RAB11FIP2: variants seen among roughly 807,000 people sequenced by gnomAD.
RAB11FIP2 encodes the protein RAB11 family interacting protein 2.
A neutral mutation model predicts 40.9 loss-of-function variants in RAB11FIP2; 16 were observed. That is an observed-to-expected ratio of 0.39 (90% confidence interval 0.26 to 0.59). RAB11FIP2 has a LOEUF of 0.59. Ranked by LOEUF, RAB11FIP2 falls within the 20% of genes least tolerant of loss-of-function variation. RAB11FIP2 has a pLI of 0.53. For missense variants in RAB11FIP2, 532 were observed against 606.2 expected (o/e 0.88, Z 1.28); for synonymous variants, 228 against 213.7 (o/e 1.07, Z -0.58).
intron 3 of RAB11FIP2, among the ~76,000 whole-genome samples, chr10:118,027,175 G>A (rs902051272): frequency 3.3e-5 from 5 of 152,098 alleles, no homozygotes; most frequent in South Asian, 2.1e-4. Context: ...TATTTAATCT[G>A]TCCTACACCA....
chr10:118,010,747 G>A (rs1846145218), intron 4 of RAB11FIP2, among the ~76,000 whole-genome samples: 1 of 151,954 alleles, frequency 6.6e-6, no homozygotes, highest in Admixed American at 6.6e-5. Context: ...GCTTGCGCTA[G>A]GCCTTCAAGA....
intron 3 of RAB11FIP2, among the ~76,000 whole-genome samples, chr10:118,018,993 G>A (rs1193003251): frequency 6.6e-6 from 1 of 150,842 alleles, no homozygotes; most frequent in Non-Finnish European, 1.5e-5. Flanking sequence ...ACTATTCAGA[G>A]TAAAAAGTGT....
chr10:118,044,864 C>G (rs1846606591), intron 1 of RAB11FIP2, among the ~76,000 whole-genome samples: 3 of 152,086 alleles, frequency 2.0e-5, no homozygotes, highest in Non-Finnish European at 4.4e-5. Flanking sequence ...ATGGAAAGTC[C>G]TCTTAGAAGT....
Position 118,008,835 on chromosome 10 carries a change from T to C in RAB11FIP2, c.*163A>G. 1.9e-5 allele frequency: 12 copies of C among 628,026 alleles called. No individual in the cohort carries two copies. Among genetic ancestry groups the C allele is most frequent in the Non-Finnish European group, 2.8e-5 (10 of 361,062 alleles). The allele number at this position is 628,026 out of a possible 1,614,324, so 38.9% of individuals were successfully genotyped here. A position where few individuals can be genotyped will look rare whatever the true frequency, so the allele number is the denominator to read the frequency against. ...TTTAGCTTGCTTCAAAGGTCACTCTTGATAGTCCCTGCTAATATTTACAGG... is the reference window on the plus strand; with the variant it reads ...TTTAGCTTGCTTCAAAGGTCACTCTCGATAGTCCCTGCTAATATTTACAGG... On this transcript the variant is annotated 3_prime_UTR_variant, in exon 5 of 5. Transcript: ENST00000355624.
chr10:118,038,485 C>T (rs1339859192), intron 3 of RAB11FIP2, among the ~76,000 whole-genome samples: 1 of 152,056 alleles, frequency 6.6e-6, no homozygotes, highest in African/African-American at 2.4e-5. Flanking sequence ...CAAATAAAAA[C>T]CACTTCTAAA....
At chr10:118,027,391 C>T (rs1181789743) in intron 3 of RAB11FIP2, among the ~76,000 whole-genome samples, 5 of 152,174 alleles carry the variant, frequency 3.3e-5, no homozygotes, top group African/African-American at 1.2e-4. Flanking sequence ...AGAAGTGAAT[C>T]AAATGTACTT....
intron 4 of RAB11FIP2, among the ~76,000 whole-genome samples, chr10:118,014,401 G>A (rs1173273013): frequency 3.9e-5 from 6 of 152,206 alleles, no homozygotes; most frequent in Admixed American, 2.6e-4. Flanking sequence ...TATTCTCTAC[G>A]TTTAATATAG....
intron 3 of RAB11FIP2, among the ~76,000 whole-genome samples, chr10:118,033,312 A>T (rs1589645627): frequency 2.0e-5 from 3 of 151,168 alleles, no homozygotes; most frequent in South Asian, 2.1e-4. Context: ...AATTGTAGCT[A>T]AAAAAAAATA....
rs989663030 is a variant in RAB11FIP2, at chr10:118,008,910, G to A, written c.*88C>T. Reference sequence around the variant, plus strand: ...AGAATATGTAATGAAACCTGATAGTGTAGTCTCTTTCAGTAACAAGTTTTT... The same window carrying A: ...AGAATATGTAATGAAACCTGATAGTATAGTCTCTTTCAGTAACAAGTTTTT... On this transcript the variant is annotated 3_prime_UTR_variant, in exon 5 of 5. Coordinates refer to ENST00000355624, the MANE Select transcript of RAB11FIP2 (RefSeq NM_014904.3). 9.6e-7 allele frequency: 1 copy of A among 1,041,008 alleles called. No homozygotes were observed. Among genetic ancestry groups the A allele is most frequent in the Non-Finnish European group, 1.5e-6 (1 of 688,860 alleles). The allele number at this position is 1,041,008 out of a possible 1,614,324, so 64.5% of individuals were successfully genotyped here. A position where few individuals can be genotyped will look rare whatever the true frequency, so the allele number is the denominator to read the frequency against.
intron 3 of RAB11FIP2, among the ~76,000 whole-genome samples, chr10:118,034,701 A>G (rs1485721050): frequency 1.3e-5 from 2 of 152,168 alleles, no homozygotes; most frequent in Non-Finnish European, 2.9e-5. Context: ...ACTTACAATT[A>G]AAAAACAAGA....
chr10:118,015,159 G>A, intron 3 of RAB11FIP2, 49 bp from the exon 4 acceptor site: 2 of 1,501,918 alleles, frequency 1.3e-6, no homozygotes, highest in Non-Finnish European at 1.8e-6. Flanking sequence ...CATGTGGGAG[G>A]AAACATAAAA....
intron 3 of RAB11FIP2, among the ~76,000 whole-genome samples, chr10:118,032,901 A>G (rs903419346): frequency 6.6e-6 from 1 of 151,990 alleles, no homozygotes; most frequent in African/African-American, 2.4e-5. Context: ...CAGGTCGCCT[A>G]TTGCAGTATT....
At chr10:118,023,400 C>T (rs1308716478) in intron 3 of RAB11FIP2, among the ~76,000 whole-genome samples, 3 of 151,948 alleles carry the variant, frequency 2.0e-5, no homozygotes, top group African/African-American at 7.3e-5. Flanking sequence ...TTTTTTCTTT[C>T]TTTTTAGAAA....
At chr10:118,026,434 A>C (rs1237308218) in intron 3 of RAB11FIP2, among the ~76,000 whole-genome samples, 1 of 152,206 alleles carries the variant, frequency 6.6e-6, no homozygotes, top group Non-Finnish European at 1.5e-5. Context: ...ACTCTTGATG[A>C]AAAACAAAGA....
intron 4 of RAB11FIP2, among the ~76,000 whole-genome samples, chr10:118,010,583 T>C (rs1023021211): frequency 2.0e-5 from 3 of 152,124 alleles, no homozygotes; most frequent in Non-Finnish European, 4.4e-5. Context: ...ACCAGGACTT[T>C]ACCAGACCAG....
chr10:118,035,827 C>A (rs892734671), intron 3 of RAB11FIP2, among the ~76,000 whole-genome samples: 2 of 152,026 alleles, frequency 1.3e-5, no homozygotes, highest in South Asian at 2.1e-4. Context: ...CCTACAAGAA[C>A]AGGAAATGCT....
intron 3 of RAB11FIP2, among the ~76,000 whole-genome samples, chr10:118,026,622 T>G (rs771294609): frequency 6.6e-6 from 1 of 152,214 alleles, no homozygotes; most frequent in Non-Finnish European, 1.5e-5. Context: ...CAGTCTGAAC[T>G]GCCTTCTTTA....
At chr10:118,035,308 A>T (rs1486894296) in intron 3 of RAB11FIP2, among the ~76,000 whole-genome samples, 1 of 152,140 alleles carries the variant, frequency 6.6e-6, no homozygotes, top group Non-Finnish European at 1.5e-5. Flanking sequence ...AACCTACCCT[A>T]ATACACAGTT....
chr10:118,030,137 T>G (rs568743018), intron 3 of RAB11FIP2, among the ~76,000 whole-genome samples: 5 of 152,298 alleles, frequency 3.3e-5, no homozygotes, highest in African/African-American at 1.2e-4. Flanking sequence ...TTCCAATGCA[T>G]TTTTCTCAAA....
Sources: allele counts gnomAD v4.1 joint callset (sites outside exome capture counted in the v4.1 genomes callset), GRCh38; gene constraint gnomAD v4.1.1; transcripts MANE v1.5; gene names NCBI Gene and HGNC (gene_info 2026-07-23, HGNC 2026-07-21).